The following SORCS1 variants were observed in gnomAD, a reference collection of about 807,000 sequenced individuals.
SORCS1 encodes the protein VPS10 domain-containing receptor SorCS1.
In SORCS1, 60 loss-of-function variants were observed where a neutral mutation model predicts 146.1. The ratio of observed to expected loss-of-function variants is 0.41; its 90% CI spans 0.33 to 0.51. The LOEUF is 0.51. Ranked by LOEUF, SORCS1 falls within the 20% of genes least tolerant of loss-of-function variation. The pLI, the probability that SORCS1 is intolerant of heterozygous loss-of-function variation, is 0.21. For synonymous variants in SORCS1, 637 were observed against 584.0 expected (o/e 1.09, Z -1.31); for missense variants, 1,352 against 1,487.6 (o/e 0.91, Z 1.50).
intron 21 of SORCS1, among the ~76,000 whole-genome samples, chr10:106,613,759 C>T (rs1055090808): frequency 6.6e-6 from 1 of 152,208 alleles, no homozygotes; most frequent in African/African-American, 2.4e-5. Flanking sequence ...CCACAGCCTT[C>T]CTGGCCCTAC....
intron 24 of SORCS1, among the ~76,000 whole-genome samples, chr10:106,594,314 A>C (rs1845782070): frequency 6.6e-6 from 1 of 152,240 alleles, no homozygotes; most frequent in Non-Finnish European, 1.5e-5. Context: ...TCAATCTTTT[A>C]AAATTTTTTA....
At chr10:106,878,630 A>ATG (rs1950687932) in intron 2 of SORCS1, among the ~76,000 whole-genome samples, 1 of 133,520 alleles carries the variant, frequency 7.5e-6, no homozygotes, top group Non-Finnish European at 1.6e-5. Context: ...GTATATATAT[A>ATG]TATATATATA....
intron 24 of SORCS1, among the ~76,000 whole-genome samples, chr10:106,595,755 C>A (rs537914938): frequency 6.2e-4 from 94 of 152,242 alleles, no homozygotes; most frequent in African/African-American, 2.0e-3. Context: ...TCAGCATCCC[C>A]AAAGCCCTTT....
chr10:106,757,120 C>T (rs893275748), intron 5 of SORCS1, among the ~76,000 whole-genome samples: 25 of 152,208 alleles, frequency 1.6e-4, no homozygotes, highest in Non-Finnish European at 2.9e-4. Context: ...ACTGTGATAA[C>T]GTAAGAATAA....
At chr10:106,787,461 TTTTA>T (rs1171533748) in intron 3 of SORCS1, among the ~76,000 whole-genome samples, 2 of 152,164 alleles carry the variant, frequency 1.3e-5, no homozygotes, top group African/African-American at 2.4e-5. Context: ...AAAATTTTTA[TTTTA>T]TTATTTTTTA....
intron 8 of SORCS1, among the ~76,000 whole-genome samples, chr10:106,702,085 T>C (rs1326908912): frequency 6.6e-6 from 1 of 152,232 alleles, no homozygotes. Flanking sequence ...AAATTTAAAA[T>C]TCTTTGAACC....
intron 1 of SORCS1, among the ~76,000 whole-genome samples, chr10:107,128,634 T>C (rs1455467332): frequency 6.6e-6 from 1 of 152,222 alleles, no homozygotes; most frequent in Admixed American, 6.5e-5. Context: ...AACCACAGCA[T>C]AGGGAACTGC....
At chr10:106,695,132 G>C (rs568015731) in intron 9 of SORCS1, among the ~76,000 whole-genome samples, 1 of 152,204 alleles carries the variant, frequency 6.6e-6, no homozygotes, top group Non-Finnish European at 1.5e-5. Context: ...AGGTGTGATG[G>C]AGTTTTAGGA....
intron 3 of SORCS1, among the ~76,000 whole-genome samples, chr10:106,828,111 G>GT (rs1948378553): frequency 6.6e-6 from 1 of 152,166 alleles, no homozygotes; most frequent in Non-Finnish European, 1.5e-5. Context: ...GGTAGGTACT[G>GT]TAACTGTCCC....
chr10:107,051,296 G>A (rs1361116808), intron 1 of SORCS1, among the ~76,000 whole-genome samples: 1 of 152,086 alleles, frequency 6.6e-6, no homozygotes, highest in Non-Finnish European at 1.5e-5. Context: ...TCTTTCCAAG[G>A]AGCTGAAATC....
intron 17 of SORCS1, among the ~76,000 whole-genome samples, chr10:106,656,656 GT>G (rs200069838): frequency 0.13 from 18,402 of 146,616 alleles, 1,290 homozygotes; most frequent in East Asian, 0.22. Context: ...TATTTAGTAG[GT>G]TTTTTTTTTT....
chr10:107,044,329 C>G (rs1406175763), intron 1 of SORCS1, among the ~76,000 whole-genome samples: 1 of 151,516 alleles, frequency 6.6e-6, no homozygotes, highest in Non-Finnish European at 1.5e-5. Context: ...CTGTGTTTAG[C>G]CTTAAGGATT....
At chr10:106,912,145 A>C (rs530446809) in intron 2 of SORCS1, among the ~76,000 whole-genome samples, 24 of 151,930 alleles carry the variant, frequency 1.6e-4, no homozygotes, top group Middle Eastern at 3.4e-3. Context: ...AACAAACAAA[A>C]AAAGGCTGCT....
At chr10:106,808,534 G>T (rs561193191) in intron 3 of SORCS1, among the ~76,000 whole-genome samples, 1 of 152,130 alleles carries the variant, frequency 6.6e-6, no homozygotes, top group South Asian at 2.1e-4. Flanking sequence ...GCGGAGTGTC[G>T]CTCTGTCGCC....
At chr10:106,613,293 G>A (rs950676538) in intron 21 of SORCS1, among the ~76,000 whole-genome samples, 1 of 152,130 alleles carries the variant, frequency 6.6e-6, no homozygotes, top group Non-Finnish European at 1.5e-5. Flanking sequence ...GCGAGAAAGT[G>A]GGCAGGAAGC....
chr10:107,059,690 TGA>T (rs943516388), intron 1 of SORCS1, among the ~76,000 whole-genome samples: 4 of 152,114 alleles, frequency 2.6e-5, no homozygotes, highest in Non-Finnish European at 5.9e-5. Context: ...GCTTTGACTA[TGA>T]GCTTTATTAT....
chr10:107,043,260 G>A (rs17279586), intron 1 of SORCS1, among the ~76,000 whole-genome samples: 4,244 of 152,166 alleles, frequency 0.028, 87 homozygotes, highest in Middle Eastern at 0.058. Context: ...AGTAAACCCC[G>A]TTTTGCCCCA....
At chr10:107,091,932 C>T (rs1490733799) in intron 1 of SORCS1, among the ~76,000 whole-genome samples, 1 of 152,178 alleles carries the variant, frequency 6.6e-6, no homozygotes, top group South Asian at 2.1e-4. Context: ...TGAATGAGCT[C>T]CTACATAATG....
At chr10:107,179,963 C>T in the SORCS1 span, among the ~76,000 whole-genome samples, 1 of 114,334 alleles carries the variant, frequency 8.7e-6, no homozygotes, top group East Asian at 3.0e-4. Flanking sequence ...GTCACCCAGG[C>T]TAGAGTGCAG....
Sources: allele counts gnomAD v4.1 joint callset (sites outside exome capture counted in the v4.1 genomes callset), GRCh38; gene constraint gnomAD v4.1.1; transcripts MANE v1.5; gene names NCBI Gene and HGNC (gene_info 2026-07-23, HGNC 2026-07-21).